ABCA4: variants seen among roughly 807,000 people sequenced by gnomAD.
The protein encoded by ABCA4 is ATP binding cassette subfamily A member 4.
ABCA4 carries 196 observed loss-of-function variants against 263.7 expected under a neutral mutation model. That is an observed-to-expected ratio of 0.74 (90% CI 0.66 to 0.84). The LOEUF (loss-of-function observed/expected upper bound fraction) is 0.84. Ranked by LOEUF, ABCA4 falls within the 40% of genes least tolerant of loss-of-function variation. The pLI is 0.00. For missense variants in ABCA4, 2,792 were observed against 2,855.1 expected (o/e 0.98, Z 0.50); for synonymous variants, 1,133 against 1,094.2 (o/e 1.04, Z -0.70).
chr1:94,019,547 C>T (rs367787196), intron 36 of ABCA4, 35 bp downstream of exon 36: 50 of 1,566,926 alleles, frequency 3.2e-5, no homozygotes, highest in Middle Eastern at 1.7e-4. Flanking sequence ...CTTGGGCCCA[C>T]GGAGGGGAGG....
intron 16 of ABCA4, among the ~76,000 whole-genome samples, chr1:94,052,999 A>G (rs961898140): frequency 6.6e-6 from 1 of 152,088 alleles, no homozygotes; most frequent in East Asian, 1.9e-4. Context: ...CCAACCCTCA[A>G]CCTCCAATGG....
intron 45 of ABCA4, chr1:94,001,537 G>A (rs1659182822): frequency 6.9e-6 from 4 of 576,528 alleles, no homozygotes; most frequent in South Asian, 1.5e-5. Flanking sequence ...CCAGCTCAGT[G>A]CTCCTGTATG....
At chr1:94,075,852 C>T (rs867681127) in intron 11 of ABCA4, among the ~76,000 whole-genome samples, 4 of 152,212 alleles carry the variant, frequency 2.6e-5, no homozygotes, top group Non-Finnish European at 5.9e-5. Flanking sequence ...TAAATAACTC[C>T]AGTTTAGCTG....
chr1:94,055,358 T>C, intron 15 of ABCA4, 43 bp from the exon 16 acceptor site: 4 of 1,597,540 alleles, frequency 2.5e-6, no homozygotes, highest in Non-Finnish European at 2.6e-6. Context: ...GCAGTGCCTT[T>C]TATCCAATGC....
intron 28 of ABCA4, 128 bp from the exon 29 acceptor site, chr1:94,030,654 G>T: frequency 4.3e-6 from 4 of 937,046 alleles, no homozygotes; most frequent in Non-Finnish European, 6.8e-6. Flanking sequence ...GCCTTGGGAT[G>T]GCGCTAGCTC....
At position 94,080,674 on chromosome 1, in the gene ABCA4, C is replaced by A. The variant is rs142076270; in HGVS notation, c.903G>T (p.Arg301Ser). ...CTGGACCACCATTCTGCATGAGGGGCCTGGTCACCCACAGCAAGTCCTGCA... is the reference window on the plus strand; with the variant it reads ...CTGGACCACCATTCTGCATGAGGGGACTGGTCACCCACAGCAAGTCCTGCA... ...PSMQDLLWVT[R>S]PLMQNGGPET... The change falls in exon 8 of 50, where the codon AGG (arginine) becomes AGT (serine). Residue 301 changes from arginine to serine, a missense_variant. Transcript: ENST00000370225. 13 of 1,614,084 alleles carry A rather than the reference C, an allele frequency of 8.1e-6. No homozygotes were observed. The highest frequency in any genetic ancestry group is 1.1e-5 in the South Asian group (1 of 91,068).
Position 94,029,426 on chromosome 1 carries a change from T to G in ABCA4, c.4539+19A>C. 6.5e-7 allele frequency: 1 copy of G among 1,539,564 alleles called. No homozygotes were observed. On this transcript the variant is annotated intron_variant, in intron 30 of 49. Coordinates refer to ENST00000370225, the MANE Select transcript of ABCA4 (RefSeq NM_000350.3). ...TGTGGCAGGCAGACCTGGGGCCCCGTTGTTTGGAGGTCAGGTACCTGGGGG... is the reference window on the plus strand; with the variant it reads ...TGTGGCAGGCAGACCTGGGGCCCCGGTGTTTGGAGGTCAGGTACCTGGGGG...
intron 11 of ABCA4, among the ~76,000 whole-genome samples, chr1:94,070,742 G>A (rs1361146174): frequency 6.6e-6 from 1 of 152,184 alleles, no homozygotes; most frequent in Non-Finnish European, 1.5e-5. Flanking sequence ...GTGTTGACCT[G>A]GCAGTCGAGT....
At chr1:94,070,726 GT>G (rs970313203) in intron 11 of ABCA4, among the ~76,000 whole-genome samples, 6 of 152,340 alleles carry the variant, frequency 3.9e-5, no homozygotes, top group African/African-American at 1.2e-4. Flanking sequence ...TGAAGCGTGG[GT>G]GTGGGTGTTG....
At chr1:94,045,323 T>C (rs1025270909) in intron 19 of ABCA4, among the ~76,000 whole-genome samples, 20 of 151,936 alleles carry the variant, frequency 1.3e-4, no homozygotes, top group Non-Finnish European at 2.6e-4. Context: ...GTGGGCTTTT[T>C]TTTTTTTTTT....
chr1:94,010,251 C>T (rs113569452), intron 40 of ABCA4, among the ~76,000 whole-genome samples: 102 of 152,284 alleles, frequency 6.7e-4, no homozygotes, highest in African/African-American at 2.2e-3. Flanking sequence ...GAAGAGCCTG[C>T]GGAAGAATGG....
chr1:94,013,432 G>A (rs1386878892), intron 38 of ABCA4, among the ~76,000 whole-genome samples: 1 of 152,230 alleles, frequency 6.6e-6, no homozygotes, highest in Non-Finnish European at 1.5e-5. Flanking sequence ...GCAGGTGGAG[G>A]TGGGTGTGGC....
Position 94,080,599 on chromosome 1 carries a change from G to A in ABCA4, c.978C>T (p.Tyr326=). 2 of 1,613,932 alleles carry A rather than the reference G, an allele frequency of 1.2e-6. No individual in the cohort carries two copies. Among genetic ancestry groups the A allele is most frequent in the Non-Finnish European group, 1.7e-6 (2 of 1,180,026 alleles). Residue 326 remains tyrosine, a synonymous_variant, in exon 8 of 50, where the codon TAC becomes TAT. Transcript: ENST00000370225. ...MGILSDLLCG[Y]PEGGGSRVLS... ...GCACCCGAGAGCCACCTCCCTCGGGGTAGCCACACAGGAGGTCAGACAGGA... is the reference window on the plus strand; with the variant it reads ...GCACCCGAGAGCCACCTCCCTCGGGATAGCCACACAGGAGGTCAGACAGGA...
At chr1:94,067,350 T>C (rs1661295355) in intron 11 of ABCA4, among the ~76,000 whole-genome samples, 1 of 152,242 alleles carries the variant, frequency 6.6e-6, no homozygotes. Flanking sequence ...GCTGATGTTT[T>C]TCAGTGGCAT....
intron 26 of ABCA4, among the ~76,000 whole-genome samples, chr1:94,032,969 G>A (rs998799806): frequency 2.6e-5 from 4 of 152,232 alleles, no homozygotes; most frequent in Middle Eastern, 3.4e-3. Context: ...AATCAGAGTC[G>A]ATGTGGTTCT....
At chr1:94,022,017 G>A (rs896915958) in intron 32 of ABCA4, 66 bp from the exon 33 acceptor site, 16 of 1,317,102 alleles carry the variant, frequency 1.2e-5, no homozygotes, top group African/African-American at 2.9e-5. Context: ...TAGCTCTCTC[G>A]GGTTTTGTAG....
intron 5 of ABCA4, among the ~76,000 whole-genome samples, chr1:94,100,608 A>C (rs2101138825): frequency 6.6e-6 from 1 of 152,282 alleles, no homozygotes; most frequent in East Asian, 1.9e-4. Flanking sequence ...GCCTTGAAGC[A>C]TGTCCAGGAG....
Position 94,098,984 on chromosome 1 carries a change from T to G in ABCA4, c.578A>C (p.His193Pro), listed in dbSNP as rs146117175. ...NSQVRPEQFA[H>P]GVPDLALKDI... The stretch of plus-strand genomic sequence containing the variant: ...CTTCAGCGCCAGGTCCGGGACTCCA[T>G]GAGCGAACTGCAGGGAGAAGAGGCA... Residue 193 changes from histidine to proline, a missense_variant, in exon 6 of 50, where the codon CAT becomes CCT. Transcript: ENST00000370225. The G allele has an allele frequency of 3.1e-6, 5 of 1,606,874 alleles. No homozygotes were observed. Among genetic ancestry groups the G allele is most frequent in the Non-Finnish European group, 3.4e-6 (4 of 1,179,728 alleles).
In ABCA4 at chr1:94,008,911, A is replaced by G. The variant is rs940571368; in HGVS notation, c.5715-40T>C. The G allele has an allele frequency of 3.1e-6, 5 of 1,606,912 alleles. No individual in the cohort carries two copies. In the Admixed American group the frequency reaches 5.0e-5, roughly 16 times the overall value. On this transcript the variant is annotated intron_variant, in intron 40 of 49. Transcript: ENST00000370225. ...GGGGTCAGGATTGGGCTGGCTGTACAGTGTCCTTGGCACTGTCCTTTCCAT... is the reference window on the plus strand; with the variant it reads ...GGGGTCAGGATTGGGCTGGCTGTACGGTGTCCTTGGCACTGTCCTTTCCAT...
Sources: gnomAD v4.1 joint callset for allele counts (sites outside exome capture counted in the v4.1 genomes callset) on GRCh38, gnomAD v4.1.1 for gene constraint, MANE v1.5 for transcripts, NCBI Gene and HGNC (gene_info 2026-07-23, HGNC 2026-07-21) for gene names.